SNTG1: variants seen among roughly 807,000 people sequenced by gnomAD.
SNTG1 encodes gamma-1-syntrophin.
Under a neutral mutation model 74.7 loss-of-function variants are expected in SNTG1, and 39 were observed. That is an observed-to-expected ratio of 0.52 (90% confidence interval 0.40 to 0.68). The LOEUF is 0.68. SNTG1 is among the 30% of genes least tolerant of loss of function. The pLI is 0.00. For missense variants in SNTG1, 685 were observed against 609.5 expected, an observed-to-expected ratio of 1.12 and a Z score of -1.30; for synonymous variants, 254 against 217.1, an observed-to-expected ratio of 1.17 and a Z score of -1.49.
At chr8:50,683,392 T>G (rs931705765) in intron 15 of SNTG1, among the ~76,000 whole-genome samples, 3 of 152,206 alleles carry the variant, frequency 2.0e-5, no homozygotes, top group African/African-American at 7.2e-5. Flanking sequence ...TCTTTAGTCC[T>G]GAGTCATTCT....
intron 2 of SNTG1, among the ~76,000 whole-genome samples, chr8:50,187,504 T>C (rs1435634724): frequency 3.3e-5 from 5 of 152,164 alleles, no homozygotes; most frequent in Non-Finnish European, 7.3e-5. Context: ...ACTTACATTT[T>C]TGTTTAACTT....
At position 49,968,054 on chromosome 8, in the gene SNTG1, CTA is replaced by C. The variant is rs569948382; in HGVS notation, c.-103+55826_-103+55827del. On this transcript the variant is annotated intron_variant, in intron 1 of 18. Transcript: ENST00000642720. ...TCTTCCAAGTCCAGTTATGCTTACT[CTA>C]TACCTGGTGAACAGTCTTTGTTTTT... Among the ~76,000 whole-genome samples, 813 of 152,106 alleles carry C rather than the reference CTA, an allele frequency of 5.3e-3. 11 individuals are homozygous for C. Among genetic ancestry groups the C allele is most frequent in the African/African-American group, 0.019 (769 of 41,376 alleles).
intron 1 of SNTG1, among the ~76,000 whole-genome samples, chr8:50,087,590 T>C (rs72639884): frequency 6.6e-6 from 1 of 152,224 alleles, no homozygotes; most frequent in Non-Finnish European, 1.5e-5. Context: ...CATATAATAG[T>C]CTATAAATAT....
intron 2 of SNTG1, among the ~76,000 whole-genome samples, chr8:50,283,622 A>G (rs1563842250): frequency 6.6e-6 from 1 of 152,054 alleles, no homozygotes; most frequent in Non-Finnish European, 1.5e-5. Context: ...TGCTCACCCT[A>G]TTTACTTTTA....
intron 12 of SNTG1, among the ~76,000 whole-genome samples, chr8:50,558,302 A>T (rs2094468109): frequency 6.6e-6 from 1 of 152,164 alleles, no homozygotes; most frequent in South Asian, 2.1e-4. Context: ...AGGAACAGTA[A>T]CAGAGATGTC....
intron 2 of SNTG1, among the ~76,000 whole-genome samples, chr8:50,193,861 C>G (rs894179414): frequency 6.6e-6 from 1 of 152,026 alleles, no homozygotes; most frequent in Non-Finnish European, 1.5e-5. Flanking sequence ...GCTGATTTTG[C>G]TGAGAGTTTT....
chr8:50,473,716 A>G (rs981902643), intron 8 of SNTG1, among the ~76,000 whole-genome samples: 1 of 152,186 alleles, frequency 6.6e-6, no homozygotes, highest in African/African-American at 2.4e-5. Context: ...TATACTTGCA[A>G]TGGAATATTA....
chr8:50,795,431 T>C lies in SNTG1; in HGVS notation c.*2602T>C, dbSNP rs1023268909. ...AACACTTAAAAATTTCTATCTCTCATATAATTTAGGTTTACATGTAAGAGA... is the reference window on the plus strand; with the variant it reads ...AACACTTAAAAATTTCTATCTCTCACATAATTTAGGTTTACATGTAAGAGA... On this transcript the variant is annotated 3_prime_UTR_variant, in exon 19 of 19. Transcript: ENST00000642720. 2.0e-5 allele frequency: 3 copies of C among 152,106 alleles called. No homozygotes were observed. The highest frequency in any genetic ancestry group is 7.2e-5 in the African/African-American group (3 of 41,454). 9.4% of individuals were successfully genotyped at this position (152,106 alleles called of 1,614,324 possible).
chr8:50,112,474 A>G (rs1230187594), intron 1 of SNTG1, among the ~76,000 whole-genome samples: 1 of 150,836 alleles, frequency 6.6e-6, no homozygotes. Context: ...CAAGAGGTAT[A>G]TCAAAACAGT....
intron 11 of SNTG1, among the ~76,000 whole-genome samples, chr8:50,548,617 C>T (rs542230556): frequency 2.3e-5 from 3 of 127,910 alleles, no homozygotes; most frequent in East Asian, 4.1e-4. Context: ...CTTCAAGGAG[C>T]TAGCAGCTTG....
chr8:50,279,714 CTAT>C (rs1261506813), intron 2 of SNTG1, among the ~76,000 whole-genome samples: 7 of 152,070 alleles, frequency 4.6e-5, no homozygotes, highest in African/African-American at 1.4e-4. Context: ...AGATAAATTA[CTAT>C]ATTGCCAGAG....
At chr8:49,986,223 A>C (rs1336613145) in intron 1 of SNTG1, among the ~76,000 whole-genome samples, 1 of 152,138 alleles carries the variant, frequency 6.6e-6, no homozygotes, top group South Asian at 2.1e-4. Flanking sequence ...CAATAATCTG[A>C]ATTTCTTGTG....
At chr8:50,679,910 G>T (rs189273282) in intron 15 of SNTG1, among the ~76,000 whole-genome samples, 57 of 152,306 alleles carry the variant, frequency 3.7e-4, no homozygotes, top group Non-Finnish European at 7.9e-4. Context: ...GTCAAGATCA[G>T]AAATAAGGCT....
At chr8:49,932,918 AG>A (rs1330410167) in intron 1 of SNTG1, among the ~76,000 whole-genome samples, 1 of 152,200 alleles carries the variant, frequency 6.6e-6, no homozygotes, top group East Asian at 1.9e-4. Flanking sequence ...ACTGTTGCCA[AG>A]GTTCATCCAT....
At chr8:50,690,408 C>T (rs1473469667) in intron 15 of SNTG1, among the ~76,000 whole-genome samples, 1 of 152,170 alleles carries the variant, frequency 6.6e-6, no homozygotes. Flanking sequence ...TCCCTCTACA[C>T]ACTGGTTTGA....
intron 2 of SNTG1, among the ~76,000 whole-genome samples, chr8:50,388,001 C>A (rs4339654): frequency 4.6e-5 from 7 of 152,106 alleles, no homozygotes; most frequent in Non-Finnish European, 8.8e-5. Context: ...TCCCAATCAA[C>A]GTCTGTGTTT....
intron 8 of SNTG1, among the ~76,000 whole-genome samples, chr8:50,484,141 T>TTTCTTTCTTTCTTTCC (rs1256171947): frequency 0.012 from 1,153 of 92,844 alleles, 22 homozygotes; most frequent in Middle Eastern, 0.027. Flanking sequence ...TCTTTCCTTC[T>TTTCTTTCTTTCTTTCC]TTCTTTCTTT....
intron 13 of SNTG1, among the ~76,000 whole-genome samples, chr8:50,611,751 C>T (rs563144037): frequency 1.9e-4 from 29 of 152,042 alleles, no homozygotes; most frequent in Admixed American, 6.5e-5. Flanking sequence ...GGAGAGACTC[C>T]GTTTTTTAAA....
chr8:50,690,488 C>T (rs372326321), intron 15 of SNTG1, among the ~76,000 whole-genome samples: 1 of 152,096 alleles, frequency 6.6e-6, no homozygotes. Flanking sequence ...TTTATTTCTC[C>T]CTTCCTTTCA....
Sources: allele counts gnomAD v4.1 joint callset (sites outside exome capture counted in the v4.1 genomes callset), GRCh38; gene constraint gnomAD v4.1.1; transcripts MANE v1.5; gene names NCBI Gene and HGNC (gene_info 2026-07-23, HGNC 2026-07-21).